Variants in PASD1 observed in about 807,000 individuals in gnomAD.
The protein encoded by PASD1 is circadian clock protein PASD1.
Under a neutral mutation model 58.8 loss-of-function variants are expected in PASD1, and 13 were observed. The observed-to-expected ratio is 0.22, with a 90% CI of 0.14 to 0.35. The LOEUF (loss-of-function observed/expected upper bound fraction) is 0.35. Ranked by LOEUF, PASD1 falls within the 10% of genes least tolerant of loss-of-function variation. PASD1 has a pLI of 1.00. For synonymous variants in PASD1, 236 were observed against 216.7 expected, an observed-to-expected ratio of 1.09 and a Z score of -0.78; for missense variants, 734 against 568.3, an observed-to-expected ratio of 1.29 and a Z score of -2.96.
Position 151,604,651 on chromosome X carries a change from G to A in PASD1, c.34G>A (p.Val12Ile), listed in dbSNP as rs145376792. ...KMRGEKRRDK[V>I]NPKSSQRKLN... is the part of the protein sequence containing the mutation. ...TTCTTCCTTTTTCTAAAAAGACAAA[G>A]TCAATCCAAAAAGCTCTCAAAGGAA... The change falls in exon 3 of 16, where the codon GTC becomes ATC. Residue 12 changes from valine (V) to isoleucine (I), a missense_variant. Transcript: ENST00000370357. 8.3e-7 allele frequency: 1 copy of A among 1,199,026 alleles called. No individual in the cohort carries two copies. Among genetic ancestry groups the A allele is most frequent in the African/African-American group, 1.8e-5 (1 of 57,085 alleles).
At chrX:151,624,530 T>C (rs1751558403) in intron 7 of PASD1, among the ~76,000 whole-genome samples, 2 of 111,947 alleles carry the variant, frequency 1.8e-5, no homozygotes, top group Admixed American at 1.9e-4. Flanking sequence ...TCAGTTTCTT[T>C]TTCTATAAAT....
rs780855227 is a variant in PASD1 at position 151,671,572 on chromosome X, G to A, written c.1231-1G>A. The A allele has an allele frequency of 1.7e-5, 21 of 1,208,388 alleles. No homozygotes were observed. Among genetic ancestry groups the A allele is most frequent in the Admixed American group, 2.2e-5 (1 of 45,875 alleles). On this transcript the variant is annotated splice_acceptor_variant, in intron 12 of 15. Transcript: ENST00000370357. LOFTEE classifies it high-confidence loss of function. ...ACCTTTGTGATACTGTGTCCTTACAGAAGCAGCCAAACACATTACGCCACG... is the reference window on the plus strand; with the variant it reads ...ACCTTTGTGATACTGTGTCCTTACAAAAGCAGCCAAACACATTACGCCACG...
At chrX:151,626,807 G>A (rs1039474955) in intron 8 of PASD1, among the ~76,000 whole-genome samples, 2 of 111,756 alleles carry the variant, frequency 1.8e-5, no homozygotes, top group Admixed American at 1.9e-4. Context: ...TTACTATTCG[G>A]GGGCAGGAGG....
At chrX:151,661,951 C>A (rs1310091869) in intron 10 of PASD1, among the ~76,000 whole-genome samples, 1 of 112,171 alleles carries the variant, frequency 8.9e-6, no homozygotes, top group Non-Finnish European at 1.9e-5. Flanking sequence ...TGTTTTATTG[C>A]TGGTGGTGTT....
At chrX:151,647,566 C>T (rs1052099484) in intron 8 of PASD1, among the ~76,000 whole-genome samples, 1 of 108,880 alleles carries the variant, frequency 9.2e-6, no homozygotes, top group African/African-American at 3.3e-5. Flanking sequence ...ATATTTTAAA[C>T]ATTCTGTATT....
At chrX:151,582,362 G>A (rs1284476887) in intron 1 of PASD1, among the ~76,000 whole-genome samples, 2 of 110,505 alleles carry the variant, frequency 1.8e-5, no homozygotes, top group Non-Finnish European at 3.8e-5. Flanking sequence ...GCTCCCTGCA[G>A]CCTTGACCTC....
chrX:151,634,893 T>G (rs1481178289), intron 8 of PASD1, among the ~76,000 whole-genome samples: 1 of 111,904 alleles, frequency 8.9e-6, no homozygotes, highest in Non-Finnish European at 1.9e-5. Flanking sequence ...TGAAGACATG[T>G]AAATATTCTG....
intron 1 of PASD1, among the ~76,000 whole-genome samples, chrX:151,574,306 C>T (rs73626799): frequency 0.019 from 2,182 of 112,258 alleles, 45 homozygotes; most frequent in African/African-American, 0.065. Context: ...CTGGATGATT[C>T]TTGAGCTTCT....
intron 1 of PASD1, among the ~76,000 whole-genome samples, chrX:151,567,032 G>A (rs1005647628): frequency 9.6e-6 from 1 of 104,494 alleles, no homozygotes; most frequent in African/African-American, 3.5e-5. Context: ...CAACAAGAGT[G>A]AAACTCCGTC....
At chrX:151,610,871 G>A (rs2013547461) in intron 3 of PASD1, among the ~76,000 whole-genome samples, 2 of 111,558 alleles carry the variant, frequency 1.8e-5, no homozygotes, top group South Asian at 7.6e-4. Context: ...GGCTGAGGCA[G>A]ACATGCACAT....
At chrX:151,667,640 C>T (rs1339286567) in intron 11 of PASD1, among the ~76,000 whole-genome samples, 6 of 112,024 alleles carry the variant, frequency 5.4e-5, no homozygotes, top group Non-Finnish European at 9.4e-5. Flanking sequence ...AATAGGGAAT[C>T]CTTTCCCCGT....
intron 11 of PASD1, among the ~76,000 whole-genome samples, chrX:151,670,124 T>C (rs926921693): frequency 1.8e-5 from 2 of 112,022 alleles, no homozygotes; most frequent in Non-Finnish European, 3.8e-5. Flanking sequence ...ATGCCCCTAT[T>C]ATCTCTATCC....
chrX:151,614,599 A>G (rs1197482524), intron 4 of PASD1, among the ~76,000 whole-genome samples: 2 of 112,250 alleles, frequency 1.8e-5, no homozygotes, highest in African/African-American at 6.5e-5. Context: ...GTGTAAAACA[A>G]TCATATCTCC....
chrX:151,567,795 C>T (rs941648735), intron 1 of PASD1, among the ~76,000 whole-genome samples: 33 of 112,401 alleles, frequency 2.9e-4, no homozygotes, highest in African/African-American at 1.0e-3. Flanking sequence ...GATCTTGGCT[C>T]ACTGCAACCT....
intron 9 of PASD1, among the ~76,000 whole-genome samples, chrX:151,653,288 G>T (rs772980808): frequency 7.4e-5 from 8 of 108,668 alleles, no homozygotes; most frequent in African/African-American, 1.0e-4. Flanking sequence ...CGCCTCCCAG[G>T]TTCAAGCGAT....
Position 151,620,927 on chromosome X carries a change from C to G in PASD1, c.208-3C>G. On this transcript the variant is annotated splice_region_variant and splice_polypyrimidine_tract_variant and intron_variant, in intron 4 of 15. Coordinates refer to ENST00000370357, the MANE Select transcript of PASD1 (RefSeq NM_173493.3). ...TCCACCTCCTCCTCTCCTCTCCTGCCAGGCTGAGATTGTGGGCAAAAAATT... is the reference window on the plus strand; with the variant it reads ...TCCACCTCCTCCTCTCCTCTCCTGCGAGGCTGAGATTGTGGGCAAAAAATT... 1 of 1,198,772 alleles carries G rather than the reference C, an allele frequency of 8.3e-7. No individual in the cohort carries two copies. The highest frequency in any genetic ancestry group is 1.1e-6 in the Non-Finnish European group (1 of 886,070).
At chrX:151,648,048 G>T in intron 8 of PASD1, among the ~76,000 whole-genome samples, 1 of 110,659 alleles carries the variant, frequency 9.0e-6, no homozygotes, top group Non-Finnish European at 1.9e-5. Context: ...AATTTTTAAG[G>T]CTTGAAACAC....
At chrX:151,625,635 A>G in intron 8 of PASD1, 105 bp downstream of exon 8, 1 of 638,289 alleles carries the variant, frequency 1.6e-6, no homozygotes, top group Non-Finnish European at 2.4e-6. Flanking sequence ...TTTCCCATCA[A>G]AATGAAAATG....
chrX:151,672,687 G>A, intron 14 of PASD1, 26 bp downstream of exon 14: 1 of 1,203,722 alleles, frequency 8.3e-7, no homozygotes. Flanking sequence ...AATGGTGATA[G>A]TGGCTATGAT....
Sources: allele counts gnomAD v4.1 joint callset (sites outside exome capture counted in the v4.1 genomes callset), GRCh38; gene constraint gnomAD v4.1.1; transcripts MANE v1.5; gene names NCBI Gene and HGNC (gene_info 2026-07-23, HGNC 2026-07-21).